Variants in RAP1GAP observed in about 807,000 individuals in gnomAD.
RAP1GAP encodes the protein RAP1 GTPase activating protein.
Under a neutral mutation model 87.2 loss-of-function variants are expected in RAP1GAP, and 35 were observed. The ratio of observed to expected loss-of-function variants is 0.40; its 90% CI spans 0.31 to 0.53. RAP1GAP has a LOEUF of 0.53. Among genes scored for constraint, RAP1GAP ranks in the 20% least tolerant of loss-of-function variants. RAP1GAP has a pLI of 0.48. For missense variants in RAP1GAP, 734 were observed against 898.9 expected, an observed-to-expected ratio of 0.82 and a Z score of 2.35; for synonymous variants, 375 against 363.9, an observed-to-expected ratio of 1.03 and a Z score of -0.35.
chr1:21,610,343 G>C (rs955524296), intron 13 of RAP1GAP, 68 bp from the exon 14 acceptor site: 2 of 1,568,420 alleles, frequency 1.3e-6, no homozygotes, highest in East Asian at 4.5e-5. Flanking sequence ...GGGTGCCCAC[G>C]GGGGTTTAGG....
chr1:21,647,719 C>T (rs2096197884), intron 2 of RAP1GAP, among the ~76,000 whole-genome samples: 1 of 152,190 alleles, frequency 6.6e-6, no homozygotes, highest in African/African-American at 2.4e-5. Flanking sequence ...CATGCTCTTT[C>T]CCCTACCCCA....
chr1:21,598,633 C>T (rs1570377213), intron 21 of RAP1GAP, 131 bp from the exon 22 acceptor site: 1 of 733,002 alleles, frequency 1.4e-6, no homozygotes. Context: ...GAGGACGGGC[C>T]TAGCCATGTC....
chr1:21,659,873 G>T (rs1225434085), intron 1 of RAP1GAP, among the ~76,000 whole-genome samples: 1 of 152,138 alleles, frequency 6.6e-6, no homozygotes, highest in Non-Finnish European at 1.5e-5. Flanking sequence ...CCATTTCACA[G>T]ATCAGGAAGC....
intron 1 of RAP1GAP, among the ~76,000 whole-genome samples, chr1:21,664,695 G>T (rs1427646742): frequency 2.0e-5 from 3 of 152,168 alleles, no homozygotes; most frequent in Non-Finnish European, 4.4e-5. Flanking sequence ...TTGGAAATGC[G>T]AAGTTACGGA....
At chr1:21,657,177 T>C (rs2096899771) in intron 1 of RAP1GAP, among the ~76,000 whole-genome samples, 1 of 152,236 alleles carries the variant, frequency 6.6e-6, no homozygotes, top group African/African-American at 2.4e-5. Context: ...ATCAAATGCA[T>C]GCAGACAGGC....
At chr1:21,614,769 G>A (rs373202175) in intron 7 of RAP1GAP, among the ~76,000 whole-genome samples, 1 of 152,238 alleles carries the variant, frequency 6.6e-6, no homozygotes, top group African/African-American at 2.4e-5. Context: ...TCCCAAAGCC[G>A]AGGGCTGGAA....
Position 21,601,673 on chromosome 1 carries a change from T to G in RAP1GAP, c.1652+11A>C. ...CCAAGCCCCCAAGCCCCACGTGCCC[T>G]GAGCCCCAACCTGTTCTTGGTCGTG... On this transcript the variant is annotated intron_variant, in intron 20 of 24. Coordinates refer to ENST00000374765, the MANE Select transcript of RAP1GAP (RefSeq NM_002885.4). The G allele has an allele frequency of 6.3e-7, 1 of 1,586,984 alleles. No homozygotes were observed. The highest frequency in any genetic ancestry group is 1.1e-5 in the South Asian group (1 of 88,338).
At chr1:21,649,647 G>A in intron 2 of RAP1GAP, 114 bp downstream of exon 2, 2 of 1,253,734 alleles carry the variant, frequency 1.6e-6, no homozygotes, top group East Asian at 2.5e-5. Flanking sequence ...CTGAGAGGAT[G>A]GTTGGAAGCT....
At chr1:21,604,461 A>C (rs1416342297) in intron 18 of RAP1GAP, among the ~76,000 whole-genome samples, 1 of 152,144 alleles carries the variant, frequency 6.6e-6, no homozygotes, top group Non-Finnish European at 1.5e-5. Context: ...GTAGAATGAA[A>C]GGAGGAAACA....
At chr1:21,629,220 A>G (rs1001135569) in intron 2 of RAP1GAP, among the ~76,000 whole-genome samples, 1 of 152,136 alleles carries the variant, frequency 6.6e-6, no homozygotes, top group Non-Finnish European at 1.5e-5. Context: ...GTCCTGGGGT[A>G]GAAGCCCGGT....
intron 2 of RAP1GAP, among the ~76,000 whole-genome samples, chr1:21,627,374 G>A (rs1345248301): frequency 6.6e-6 from 1 of 151,180 alleles, no homozygotes; most frequent in Non-Finnish European, 1.5e-5. Flanking sequence ...TCTGGCCCAG[G>A]AAGAAGACTG....
intron 1 of RAP1GAP, chr1:21,652,046 GAGCCGGGCCC>G (rs1242718212): frequency 1.1e-5 from 2 of 180,084 alleles, no homozygotes; most frequent in African/African-American, 4.8e-5. Context: ...GGGACTTTCC[GAGCCGGGCCC>G]AGCCGGGCGG....
chr1:21,658,752 T>C (rs1036199577), intron 1 of RAP1GAP, among the ~76,000 whole-genome samples: 8 of 151,878 alleles, frequency 5.3e-5, no homozygotes, highest in African/African-American at 7.3e-5. Context: ...TCTAAGGGTA[T>C]ATTTTTAATA....
intron 1 of RAP1GAP, among the ~76,000 whole-genome samples, chr1:21,650,289 C>G (rs558851824): frequency 2.0e-5 from 3 of 152,260 alleles, no homozygotes; most frequent in Admixed American, 2.0e-4. Flanking sequence ...AAGCAAATGT[C>G]TGCGAATCTG....
At chr1:21,621,933 G>A (rs1380993026) in intron 3 of RAP1GAP, among the ~76,000 whole-genome samples, 1 of 152,260 alleles carries the variant, frequency 6.6e-6, no homozygotes, top group Non-Finnish European at 1.5e-5. Flanking sequence ...CTCAGAGGGA[G>A]CAGCAGACGC....
intron 22 of RAP1GAP, 116 bp downstream of exon 22, chr1:21,598,284 G>T: frequency 9.9e-7 from 1 of 1,011,306 alleles, no homozygotes. Flanking sequence ...TGTCCTCCAA[G>T]TCAGGGGCAG....
chr1:21,657,082 CCAG>C (rs1290117084), intron 1 of RAP1GAP, among the ~76,000 whole-genome samples: 2 of 152,246 alleles, frequency 1.3e-5, no homozygotes, highest in African/African-American at 4.8e-5. Flanking sequence ...ACAAACTTTC[CCAG>C]GTCACACATG....
Position 21,647,349 on chromosome 1 carries a change from AAC to A in RAP1GAP, c.-113+2410_-113+2411del, listed in dbSNP as rs2096154464. ...AGTGATGGCATGCACCTGTGGTCCC[AAC>A]TACTCAGGAGGCTGAGGCAAGAGAT... is the stretch of plus-strand genomic sequence containing the variant. On this transcript the variant is annotated intron_variant, in intron 2 of 24. Coordinates refer to ENST00000374765, the MANE Select transcript of RAP1GAP (RefSeq NM_002885.4). Among the ~76,000 whole-genome samples, 15 of 152,292 alleles carry A rather than the reference AAC, an allele frequency of 9.8e-5. No individual in the cohort carries two copies. In the South Asian group the frequency reaches 3.1e-3, roughly 32 times the overall value.
At chr1:21,660,707 C>T (rs2097123885) in intron 1 of RAP1GAP, among the ~76,000 whole-genome samples, 1 of 152,146 alleles carries the variant, frequency 6.6e-6, no homozygotes, top group South Asian at 2.1e-4. Context: ...TAGCTCTTAG[C>T]TCACAGAGTG....
Sources: allele counts gnomAD v4.1 joint callset (sites outside exome capture counted in the v4.1 genomes callset), GRCh38; gene constraint gnomAD v4.1.1; transcripts MANE v1.5; gene names NCBI Gene and HGNC (gene_info 2026-07-23, HGNC 2026-07-21).